SORCS3: variants seen among roughly 807,000 people sequenced by gnomAD.
SORCS3 encodes the protein VPS10 domain-containing receptor SorCS3.
A neutral mutation model predicts 146.3 loss-of-function variants in SORCS3; 57 were observed. The ratio of observed to expected loss-of-function variants is 0.39; its 90% CI spans 0.31 to 0.49. The LOEUF is 0.49. Among genes scored for constraint, SORCS3 ranks in the 20% least tolerant of loss-of-function variants. The pLI, the probability that SORCS3 is intolerant of heterozygous loss-of-function variation, is 0.92. For missense variants in SORCS3, 1,341 were observed against 1,575.5 expected (o/e 0.85, Z 2.52); for synonymous variants, 653 against 618.5 (o/e 1.06, Z -0.83).
At chr10:104,944,819 C>T (rs1351221022) in intron 3 of SORCS3, among the ~76,000 whole-genome samples, 1 of 152,168 alleles carries the variant, frequency 6.6e-6, no homozygotes, top group African/African-American at 2.4e-5. Context: ...TATACACACC[C>T]TGTGACCCAG....
intron 13 of SORCS3, among the ~76,000 whole-genome samples, chr10:105,172,360 T>C (rs1209519045): frequency 6.6e-6 from 1 of 152,240 alleles, no homozygotes; most frequent in Non-Finnish European, 1.5e-5. Context: ...CACTGTTGAA[T>C]GGTAGTGTGT....
chr10:104,914,082 G>T (rs2018998484), intron 2 of SORCS3, among the ~76,000 whole-genome samples: 1 of 152,110 alleles, frequency 6.6e-6, no homozygotes, highest in Admixed American at 6.5e-5. Flanking sequence ...TCATCCCTCA[G>T]ATAAGGAACC....
chr10:105,188,295 G>T (rs1054590501), intron 14 of SORCS3, among the ~76,000 whole-genome samples: 1 of 151,840 alleles, frequency 6.6e-6, no homozygotes, highest in Non-Finnish European at 1.5e-5. Context: ...TTTATAATGA[G>T]AAAAAGGGAA....
At chr10:104,773,867 G>T (rs750522703) in intron 1 of SORCS3, among the ~76,000 whole-genome samples, 3 of 152,148 alleles carry the variant, frequency 2.0e-5, no homozygotes, top group Non-Finnish European at 4.4e-5. Flanking sequence ...TGAGATATTT[G>T]TTGCTCAATG....
intron 7 of SORCS3, among the ~76,000 whole-genome samples, chr10:105,116,938 T>G (rs1456871834): frequency 6.6e-6 from 1 of 152,088 alleles, no homozygotes; most frequent in Non-Finnish European, 1.5e-5. Flanking sequence ...TTAGGTACTA[T>G]ACTTATTACC....
intron 7 of SORCS3, among the ~76,000 whole-genome samples, chr10:105,112,493 A>T (rs1332076102): frequency 6.6e-6 from 1 of 152,206 alleles, no homozygotes; most frequent in Non-Finnish European, 1.5e-5. Flanking sequence ...GAAAACCCAC[A>T]GACCAACAGA....
At chr10:104,908,115 C>G (rs2018927705) in intron 2 of SORCS3, among the ~76,000 whole-genome samples, 1 of 152,206 alleles carries the variant, frequency 6.6e-6, no homozygotes, top group Non-Finnish European at 1.5e-5. Context: ...ACCTAATAGC[C>G]TATGGTCTTT....
intron 3 of SORCS3, among the ~76,000 whole-genome samples, chr10:104,920,826 G>C (rs1032962748): frequency 6.6e-6 from 1 of 152,166 alleles, no homozygotes; most frequent in African/African-American, 2.4e-5. Context: ...AGTTGTCCTA[G>C]ACTGCTGTTC....
At chr10:105,218,026 G>C (rs868380695) in intron 19 of SORCS3, among the ~76,000 whole-genome samples, 2 of 152,160 alleles carry the variant, frequency 1.3e-5, no homozygotes, top group Non-Finnish European at 2.9e-5. Flanking sequence ...AAAACAAGGA[G>C]CACCCTCCTA....
chr10:104,987,805 T>C (rs972817967), intron 4 of SORCS3, among the ~76,000 whole-genome samples: 2 of 152,186 alleles, frequency 1.3e-5, no homozygotes, highest in Admixed American at 6.5e-5. Flanking sequence ...ATTTTCCGGC[T>C]CCATCCCAAA....
intron 2 of SORCS3, among the ~76,000 whole-genome samples, chr10:104,898,457 C>G (rs139790871): frequency 6.0e-4 from 92 of 152,192 alleles, no homozygotes; most frequent in African/African-American, 2.0e-3. Context: ...CCTTGGGGGC[C>G]ATAAGTAATT....
intron 21 of SORCS3, among the ~76,000 whole-genome samples, chr10:105,245,915 A>G (rs991983435): frequency 6.6e-6 from 1 of 152,188 alleles, no homozygotes; most frequent in African/African-American, 2.4e-5. Context: ...TTATTAGACA[A>G]AGACACGTAT....
At chr10:105,092,608 A>ACACACACAC (rs2055717825) in intron 6 of SORCS3, among the ~76,000 whole-genome samples, 1 of 147,268 alleles carries the variant, frequency 6.8e-6, no homozygotes, top group South Asian at 2.2e-4. Context: ...TGCATTCACA[A>ACACACACAC]ACACACACAC....
At chr10:104,839,449 G>A (rs148379065) in intron 1 of SORCS3, among the ~76,000 whole-genome samples, 155 of 152,284 alleles carry the variant, frequency 1.0e-3, no homozygotes, top group African/African-American at 3.0e-3. Flanking sequence ...ATGAAAGAAA[G>A]CAGAGATGTG....
chr10:104,823,002 A>G (rs951456522), intron 1 of SORCS3, among the ~76,000 whole-genome samples: 7 of 152,208 alleles, frequency 4.6e-5, no homozygotes. Context: ...CATTCTGGGC[A>G]AGGTGAGATC....
intron 3 of SORCS3, among the ~76,000 whole-genome samples, chr10:104,923,079 A>T (rs957856039): frequency 1.3e-5 from 2 of 152,312 alleles, no homozygotes; most frequent in Middle Eastern, 3.4e-3. Flanking sequence ...CAGTGTCTTT[A>T]TATAGGCCAC....
intron 23 of SORCS3, among the ~76,000 whole-genome samples, chr10:105,255,186 CAAAAAAAAAAA>C (rs35150065): frequency 3.1e-5 from 1 of 32,656 alleles, no homozygotes; most frequent in Non-Finnish European, 5.8e-5. Flanking sequence ...GACTCAGTCT[CAAAAAAAAAAA>C]AAAAAAAAAA....
chr10:104,675,530 G>T (rs568592699), intron 1 of SORCS3, among the ~76,000 whole-genome samples: 1 of 152,058 alleles, frequency 6.6e-6, no homozygotes, highest in Non-Finnish European at 1.5e-5. Flanking sequence ...ATTTAGGCTC[G>T]TGATTCTTCC....
At chr10:105,217,953 C>G in intron 19 of SORCS3, 3 of 447,938 alleles carry the variant, frequency 6.7e-6, no homozygotes, top group Non-Finnish European at 1.3e-5. Context: ...ACATACCCCA[C>G]AAGAGTTTCC....
Sources: allele counts gnomAD v4.1 joint callset (sites outside exome capture counted in the v4.1 genomes callset), GRCh38; gene constraint gnomAD v4.1.1; transcripts MANE v1.5; gene names NCBI Gene and HGNC (gene_info 2026-07-23, HGNC 2026-07-21).